TMEM132C: variants seen among roughly 807,000 people sequenced by gnomAD.
TMEM132C encodes protein phosphatase 1, regulatory subunit 152.
In TMEM132C, 29 loss-of-function variants were observed where a neutral mutation model predicts 61.4. That is an observed-to-expected ratio of 0.47 (90% CI 0.35 to 0.64). TMEM132C has a LOEUF of 0.64. Among genes scored for constraint, TMEM132C ranks in the 30% least tolerant of loss-of-function variants. The pLI is 0.00. For synonymous variants in TMEM132C, 656 were observed against 633.1 expected (o/e 1.04, Z -0.54); for missense variants, 1,408 against 1,476.9 (o/e 0.95, Z 0.76).
intron 1 of TMEM132C, among the ~76,000 whole-genome samples, chr12:128,314,784 T>G (rs1872091180): frequency 6.6e-6 from 1 of 152,122 alleles, no homozygotes; most frequent in African/African-American, 2.4e-5. Flanking sequence ...GAACCAGCCC[T>G]GCTGACACCC....
chr12:128,465,448 G>A (rs905519915), intron 2 of TMEM132C, among the ~76,000 whole-genome samples: 1 of 152,144 alleles, frequency 6.6e-6, no homozygotes, highest in Admixed American at 6.5e-5. Flanking sequence ...TGATCCACCT[G>A]CCTCGACCTC....
In TMEM132C at chr12:128,557,878, C is replaced by T. The variant is rs1040801528; in HGVS notation, c.1121+13775C>T. Among the ~76,000 whole-genome samples, 5 of 152,172 alleles carry T rather than the reference C, an allele frequency of 3.3e-5. No individual in the cohort carries two copies. The South Asian group carries it at 1.0e-3, about 32-fold the overall frequency. On this transcript the variant is annotated intron_variant, in intron 3 of 8. Transcript: ENST00000435159. ...TCAGAGGTCAAGTGTTTGCTGACAT[C>T]GTGCCCAAATTTCAAGTACTCCACA...
chr12:128,500,699 G>A (rs1240850761), intron 2 of TMEM132C, among the ~76,000 whole-genome samples: 1 of 152,156 alleles, frequency 6.6e-6, no homozygotes. Flanking sequence ...ACGTTGGGAA[G>A]AAACTGAAAC....
intron 2 of TMEM132C, among the ~76,000 whole-genome samples, chr12:128,503,875 A>G (rs1470649037): frequency 6.6e-6 from 1 of 152,210 alleles, no homozygotes; most frequent in Non-Finnish European, 1.5e-5. Context: ...GTGTCTCATA[A>G]CAACCATCAT....
At chr12:128,643,443 A>G (rs138651371) in intron 4 of TMEM132C, among the ~76,000 whole-genome samples, 202 of 152,256 alleles carry the variant, frequency 1.3e-3, no homozygotes, top group African/African-American at 4.4e-3. Flanking sequence ...TGAGGAGGTA[A>G]CGAAACCTCG....
At chr12:128,361,348 A>G (rs975777275) in intron 1 of TMEM132C, among the ~76,000 whole-genome samples, 1 of 152,200 alleles carries the variant, frequency 6.6e-6, no homozygotes, top group Non-Finnish European at 1.5e-5. Context: ...ACTTGTGTGC[A>G]GTTTTCCACA....
intron 4 of TMEM132C, among the ~76,000 whole-genome samples, chr12:128,622,838 G>C (rs1414175589): frequency 1.3e-5 from 2 of 152,134 alleles, no homozygotes; most frequent in African/African-American, 2.4e-5. Flanking sequence ...ATCTCGTCCT[G>C]ATCTCCACTT....
chr12:128,561,971 G>A (rs1407526666), intron 3 of TMEM132C, among the ~76,000 whole-genome samples: 3 of 152,174 alleles, frequency 2.0e-5, no homozygotes, highest in Non-Finnish European at 4.4e-5. Flanking sequence ...GTGGGGCAGA[G>A]AAGAGATGGG....
At chr12:128,302,173 TG>T (rs2135919193) in intron 1 of TMEM132C, among the ~76,000 whole-genome samples, 2 of 152,360 alleles carry the variant, frequency 1.3e-5, no homozygotes, top group Admixed American at 1.3e-4. Flanking sequence ...CCTTTGTGCC[TG>T]ACATTGGTGA....
At chr12:128,617,124 C>T (rs1480558785) in intron 4 of TMEM132C, among the ~76,000 whole-genome samples, 2 of 152,214 alleles carry the variant, frequency 1.3e-5, no homozygotes, top group Non-Finnish European at 2.9e-5. Context: ...GATGCCCATC[C>T]TCACTTAGGA....
At chr12:128,371,098 G>C (rs1518379) in intron 1 of TMEM132C, among the ~76,000 whole-genome samples, 1 of 152,040 alleles carries the variant, frequency 6.6e-6, no homozygotes, top group Non-Finnish European at 1.5e-5. Context: ...GATGTTAGCC[G>C]CATCTAACAT....
intron 1 of TMEM132C, among the ~76,000 whole-genome samples, chr12:128,286,467 C>T (rs1255947513): frequency 6.6e-6 from 1 of 152,132 alleles, no homozygotes; most frequent in Admixed American, 6.6e-5. Context: ...GCTCTGGCCC[C>T]CATAGACAGT....
chr12:128,452,746 T>C (rs940166166), intron 2 of TMEM132C, among the ~76,000 whole-genome samples: 12 of 151,944 alleles, frequency 7.9e-5, no homozygotes, highest in Non-Finnish European at 1.0e-4. Context: ...GTTTCCAGAA[T>C]GTGATTTGTG....
intron 4 of TMEM132C, among the ~76,000 whole-genome samples, chr12:128,636,359 C>T (rs575241661): frequency 6.6e-6 from 1 of 152,274 alleles, no homozygotes; most frequent in East Asian, 1.9e-4. Flanking sequence ...GTGTCATCCA[C>T]ATTTTTAAAA....
In TMEM132C at chr12:128,705,442, G is replaced by A. The variant is rs753991300; in HGVS notation, c.2474G>A (p.Arg825Gln). The part of the protein sequence containing the change: ...DEIKNHASDR[R>Q]QKGQHHERTG... ...ATCAAGAACCACGCCAGCGACCGCCGGCAGAAGGGCCAGCACCATGAGCGC... is the reference window on the plus strand; with the variant it reads ...ATCAAGAACCACGCCAGCGACCGCCAGCAGAAGGGCCAGCACCATGAGCGC... Residue 825 changes from arginine to glutamine, a missense_variant, in exon 9 of 9, where the codon CGG (arginine) becomes CAG (glutamine). Arg to Gln is a conservative substitution (Grantham distance 43). Transcript: ENST00000435159. 32 of 1,550,922 alleles carry A rather than the reference G, an allele frequency of 2.1e-5. No homozygotes were observed. Among genetic ancestry groups the A allele is most frequent in the Middle Eastern group, 3.3e-4 (2 of 6,012 alleles).
In TMEM132C at chr12:128,340,904, TTCTCTCTCTCTTTCTCTC is replaced by T. The variant is rs1483713565; in HGVS notation, c.85+73429_85+73446del. On this transcript the variant is annotated intron_variant, in intron 1 of 8. Transcript: ENST00000435159. ...TTTTTCTTTTTCTTTCTTTCTCTCT[TTCTCTCTCTCTTTCTCTC>T]TCTCTCTCTCTCTCTCTCTCTCTTT... Among the ~76,000 whole-genome samples, 8 of 122,458 alleles carry T rather than the reference TTCTCTCTCTCTTTCTCTC, an allele frequency of 6.5e-5. 1 individual carries two copies. Among genetic ancestry groups the T allele is most frequent in the African/African-American group, 3.0e-4 (8 of 26,742 alleles). 80.3% of individuals were successfully genotyped at this position (122,458 alleles called of 152,430 possible). A position where few individuals can be genotyped will look rare whatever the true frequency, so the allele number is the denominator to read the frequency against.
intron 1 of TMEM132C, among the ~76,000 whole-genome samples, chr12:128,346,783 A>G (rs1476326135): frequency 6.6e-6 from 1 of 152,190 alleles, no homozygotes; most frequent in Non-Finnish European, 1.5e-5. Context: ...ACCCTCGTCA[A>G]AAATAAATTG....
At chr12:128,301,131 A>G (rs903784367) in intron 1 of TMEM132C, among the ~76,000 whole-genome samples, 1 of 152,166 alleles carries the variant, frequency 6.6e-6, no homozygotes, top group Non-Finnish European at 1.5e-5. Flanking sequence ...CAATGAATGG[A>G]GGAGAGGTGT....
At chr12:128,587,974 G>C (rs1875611293) in intron 3 of TMEM132C, among the ~76,000 whole-genome samples, 1 of 152,174 alleles carries the variant, frequency 6.6e-6, no homozygotes, top group Non-Finnish European at 1.5e-5. Flanking sequence ...AACAGTGGCA[G>C]CATCCAACTC....
Sources: allele counts gnomAD v4.1 joint callset (sites outside exome capture counted in the v4.1 genomes callset), GRCh38; gene constraint gnomAD v4.1.1; transcripts MANE v1.5; gene names NCBI Gene and HGNC (gene_info 2026-07-23, HGNC 2026-07-21).